Variants in CNTNAP5 observed in about 807,000 individuals in gnomAD.
CNTNAP5 encodes the protein contactin associated protein family member 5.
CNTNAP5 carries 72 observed loss-of-function variants against 150.2 expected under a neutral mutation model. The ratio of observed to expected loss-of-function variants is 0.48; its 90% CI spans 0.40 to 0.58. CNTNAP5 has a LOEUF of 0.58. Among genes scored for constraint, CNTNAP5 ranks in the 20% least tolerant of loss-of-function variants. The pLI is 0.00. For synonymous variants in CNTNAP5, 672 were observed against 619.8 expected (o/e 1.08, Z -1.25); for missense variants, 1,636 against 1,626.2 (o/e 1.01, Z -0.10).
chr2:124,427,264 G>A (rs1364266167), intron 4 of CNTNAP5, among the ~76,000 whole-genome samples: 4 of 151,976 alleles, frequency 2.6e-5, no homozygotes, highest in African/African-American at 7.3e-5. Context: ...ATTGGGTAAC[G>A]GGGGTAGGTA....
At chr2:124,589,760 TTG>T (rs750753924) in intron 11 of CNTNAP5, among the ~76,000 whole-genome samples, 3 of 152,158 alleles carry the variant, frequency 2.0e-5, no homozygotes, top group Admixed American at 6.5e-5. Context: ...GTGAACTCAG[TTG>T]TGTGTGTGTT....
rs528727984 is a variant in CNTNAP5, at chr2:124,717,942, C to T, written c.2078-29287C>T. On this transcript the variant is annotated intron_variant, in intron 13 of 23. Coordinates refer to ENST00000682447, the MANE Select transcript of CNTNAP5 (RefSeq NM_001367498.1). ...ACTAGATACCTATTATGGGCAAGGA[C>T]ACCTGAAGTCCAAATTGCTTGCTCA... is the stretch of plus-strand genomic sequence containing the variant. Among the ~76,000 whole-genome samples the T allele has an allele frequency of 5.1e-4, 77 of 152,188 alleles. No individual in the cohort carries two copies. In the South Asian group the frequency reaches 0.015, roughly 29 times the overall value.
chr2:124,784,813 C>T (rs1268690763), intron 17 of CNTNAP5, among the ~76,000 whole-genome samples: 1 of 152,102 alleles, frequency 6.6e-6, no homozygotes, highest in Non-Finnish European at 1.5e-5. Context: ...TTTAATTCCC[C>T]ACTCTGGCCA....
chr2:124,524,943 C>T (rs189316845), intron 9 of CNTNAP5, among the ~76,000 whole-genome samples: 31 of 152,174 alleles, frequency 2.0e-4, no homozygotes, highest in East Asian at 1.9e-3. Context: ...AGGCCATGCT[C>T]GCAGAAATCC....
At chr2:124,669,821 T>C (rs777089674) in intron 13 of CNTNAP5, among the ~76,000 whole-genome samples, 1 of 152,224 alleles carries the variant, frequency 6.6e-6, no homozygotes, top group Non-Finnish European at 1.5e-5. Flanking sequence ...CTGGCTATCA[T>C]TGAAACAGAT....
At chr2:124,751,673 T>C (rs577517293) in intron 14 of CNTNAP5, among the ~76,000 whole-genome samples, 4 of 152,358 alleles carry the variant, frequency 2.6e-5, no homozygotes, top group Admixed American at 2.6e-4. Flanking sequence ...TGGTGCTCTG[T>C]GTGCCTCAGA....
At chr2:124,338,274 G>A (rs181017837) in intron 3 of CNTNAP5, among the ~76,000 whole-genome samples, 82 of 152,218 alleles carry the variant, frequency 5.4e-4, no homozygotes, top group African/African-American at 1.9e-3. Context: ...GGGCTGAGAC[G>A]ATGGCATTTT....
intron 13 of CNTNAP5, among the ~76,000 whole-genome samples, chr2:124,651,906 G>A (rs1176187652): frequency 3.3e-5 from 5 of 152,118 alleles, no homozygotes; most frequent in Admixed American, 6.5e-5. Context: ...TCCCTACACA[G>A]CATCCCCAGA....
At chr2:124,411,086 A>G (rs1376067167) in intron 3 of CNTNAP5, among the ~76,000 whole-genome samples, 1 of 152,244 alleles carries the variant, frequency 6.6e-6, no homozygotes, top group East Asian at 1.9e-4. Flanking sequence ...CTACCATCAG[A>G]GAATACTACA....
intron 19 of CNTNAP5, among the ~76,000 whole-genome samples, chr2:124,862,094 G>A (rs777240224): frequency 9.2e-5 from 14 of 152,296 alleles, no homozygotes; most frequent in African/African-American, 2.2e-4. Context: ...GATTACAGGC[G>A]TGAGCCATCA....
chr2:124,239,315 T>C (rs1295042576), intron 2 of CNTNAP5, among the ~76,000 whole-genome samples: 1 of 152,176 alleles, frequency 6.6e-6, no homozygotes, highest in Non-Finnish European at 1.5e-5. Context: ...GTTCTTATCA[T>C]ATGCTAATTA....
chr2:124,482,241 G>T (rs1693777392), intron 7 of CNTNAP5, among the ~76,000 whole-genome samples: 1 of 152,204 alleles, frequency 6.6e-6, no homozygotes, highest in Non-Finnish European at 1.5e-5. Flanking sequence ...CACTGGAGGG[G>T]CGGTCAGTGG....
chr2:124,563,408 G>A (rs1695938974), intron 11 of CNTNAP5, 85 bp downstream of exon 11: 1 of 780,190 alleles, frequency 1.3e-6, no homozygotes. Flanking sequence ...TTTAGCATGG[G>A]GCAGGCATGT....
chr2:124,324,756 G>A (rs905042943), intron 3 of CNTNAP5, among the ~76,000 whole-genome samples: 2 of 152,170 alleles, frequency 1.3e-5, no homozygotes, highest in Non-Finnish European at 2.9e-5. Context: ...ACTTTCTGTA[G>A]GACTTTCTGG....
At chr2:124,393,807 G>A (rs1316667510) in intron 3 of CNTNAP5, among the ~76,000 whole-genome samples, 1 of 152,140 alleles carries the variant, frequency 6.6e-6, no homozygotes, top group Non-Finnish European at 1.5e-5. Context: ...ACCTGAACAG[G>A]GATATGGTTT....
intron 19 of CNTNAP5, among the ~76,000 whole-genome samples, chr2:124,863,438 T>C (rs187383025): frequency 2.2e-4 from 33 of 152,192 alleles, no homozygotes; most frequent in Non-Finnish European, 4.3e-4. Context: ...TTTTAAGTAG[T>C]AAAATAACAA....
At chr2:124,233,820 A>G (rs557622608) in intron 2 of CNTNAP5, among the ~76,000 whole-genome samples, 8 of 150,998 alleles carry the variant, frequency 5.3e-5, no homozygotes, top group African/African-American at 1.9e-4. Context: ...TATCCATGGT[A>G]TGGTAGACAC....
chr2:124,226,138 G>T (rs1411065113), intron 2 of CNTNAP5, among the ~76,000 whole-genome samples: 1 of 151,228 alleles, frequency 6.6e-6, no homozygotes, highest in Non-Finnish European at 1.5e-5. Flanking sequence ...CAAAGTAGTT[G>T]TATTACTGGA....
chr2:124,759,718 T>C (rs1472450981), intron 14 of CNTNAP5, among the ~76,000 whole-genome samples: 1 of 151,920 alleles, frequency 6.6e-6, no homozygotes, highest in Non-Finnish European at 1.5e-5. Flanking sequence ...AAATACATAC[T>C]TTATTTGCCT....
Sources: allele counts gnomAD v4.1 joint callset (sites outside exome capture counted in the v4.1 genomes callset), GRCh38; gene constraint gnomAD v4.1.1; transcripts MANE v1.5; gene names NCBI Gene and HGNC (gene_info 2026-07-23, HGNC 2026-07-21).